The following PCDH15 variants were observed in gnomAD, a reference collection of about 807,000 sequenced individuals.
The protein encoded by PCDH15 is protocadherin-15.
Under a neutral mutation model 178.5 loss-of-function variants are expected in PCDH15, and 129 were observed. The ratio of observed to expected loss-of-function variants is 0.72; its 90% CI spans 0.63 to 0.84. The LOEUF (loss-of-function observed/expected upper bound fraction) is 0.84, where lower values mean the gene tolerates loss of function less well. PCDH15 is among the 40% of genes least tolerant of loss of function. The pLI is 0.00. For synonymous variants in PCDH15, 800 were observed against 732.0 expected (o/e 1.09, Z -1.50); for missense variants, 2,230 against 2,099.9 (o/e 1.06, Z -1.21).
intron 2 of PCDH15, among the ~76,000 whole-genome samples, chr10:55,411,484 A>G (rs565572122): frequency 4.2e-4 from 64 of 152,200 alleles, no homozygotes; most frequent in African/African-American, 1.5e-3. Flanking sequence ...ATTAGGGTAT[A>G]CTCTCTCCAA....
chr10:54,479,848 A>G (rs944432040), intron 3 of PCDH15, among the ~76,000 whole-genome samples: 6 of 152,090 alleles, frequency 3.9e-5, no homozygotes, highest in Non-Finnish European at 5.9e-5. Context: ...AAATGATGTC[A>G]CATTGCATTT....
chr10:54,265,487 A>T (rs10825287), intron 8 of PCDH15, among the ~76,000 whole-genome samples: 100,947 of 144,226 alleles, frequency 0.7, 34,880 homozygotes, highest in Middle Eastern at 0.75. Context: ...AATTGGAATT[A>T]AAAAAAAAAA....
chr10:54,415,386 TA>T, intron 3 of PCDH15, among the ~76,000 whole-genome samples: 1 of 151,766 alleles, frequency 6.6e-6, no homozygotes, highest in South Asian at 2.1e-4. Context: ...GTCAATAGTT[TA>T]AAAAAATCAG....
intron 2 of PCDH15, among the ~76,000 whole-genome samples, chr10:54,996,982 G>T (rs1445518034): frequency 2.6e-5 from 4 of 151,674 alleles, no homozygotes; most frequent in Admixed American, 6.6e-5. Flanking sequence ...AGTGGCGGGC[G>T]CCTGCAATCC....
At chr10:54,384,495 A>G (rs1036407421) in intron 3 of PCDH15, among the ~76,000 whole-genome samples, 1 of 152,100 alleles carries the variant, frequency 6.6e-6, no homozygotes, top group Non-Finnish European at 1.5e-5. Flanking sequence ...GATTCAGTAA[A>G]TTTGTAAGTG....
At chr10:55,049,879 T>C (rs1311924671) in intron 2 of PCDH15, among the ~76,000 whole-genome samples, 1 of 152,064 alleles carries the variant, frequency 6.6e-6, no homozygotes, top group Non-Finnish European at 1.5e-5. Flanking sequence ...CCTGGCAATT[T>C]TGCAAAATTC....
chr10:53,943,210 C>T (rs1436449213), intron 23 of PCDH15, among the ~76,000 whole-genome samples: 5 of 151,892 alleles, frequency 3.3e-5, no homozygotes, highest in African/African-American at 7.3e-5. Context: ...TATGTCGGGC[C>T]GGGCGCGGTG....
chr10:54,836,244 A>G (rs572063827), intron 3 of PCDH15, among the ~76,000 whole-genome samples: 9 of 152,208 alleles, frequency 5.9e-5, no homozygotes, highest in Non-Finnish European at 1.3e-4. Context: ...AAAAATTCCA[A>G]GGCTTTAAAC....
intron 1 of PCDH15, among the ~76,000 whole-genome samples, chr10:54,706,733 C>T (rs528099552): frequency 3.3e-5 from 5 of 152,272 alleles, no homozygotes; most frequent in Admixed American, 6.5e-5. Flanking sequence ...AAACGATCCT[C>T]GTGCCTCAAC....
At chr10:54,509,849 C>G (rs2081488494) in intron 3 of PCDH15, among the ~76,000 whole-genome samples, 1 of 152,164 alleles carries the variant, frequency 6.6e-6, no homozygotes, top group Non-Finnish European at 1.5e-5. Context: ...TACTATTCAT[C>G]AACAGCAGAG....
chr10:54,773,423 C>T (rs1460872776), intron 1 of PCDH15, among the ~76,000 whole-genome samples: 2 of 152,144 alleles, frequency 1.3e-5, no homozygotes, highest in Non-Finnish European at 2.9e-5. Flanking sequence ...GATTTAAATT[C>T]TCTACCTTCA....
intron 3 of PCDH15, among the ~76,000 whole-genome samples, chr10:54,429,558 A>G (rs1185871316): frequency 6.6e-6 from 1 of 152,150 alleles, no homozygotes; most frequent in Non-Finnish European, 1.5e-5. Flanking sequence ...TGGATTTAAA[A>G]AAAAAGACAA....
rs369564375 is a variant in PCDH15 at position 54,496,189 on chromosome 10, G to C, written c.157+31623C>G. Reference sequence around the variant, plus strand: ...TTTCTTCTTCACTAGTATTACTTCAGTTTGGTCAGGGGCTGGCAATTTTTT... The same window carrying C: ...TTTCTTCTTCACTAGTATTACTTCACTTTGGTCAGGGGCTGGCAATTTTTT... On this transcript the variant is annotated intron_variant, in intron 3 of 37. Transcript: ENST00000644397. 1.3e-4 allele frequency among the ~76,000 whole-genome samples: 20 copies of C among 152,124 alleles called. No homozygotes were observed. The East Asian group carries it at 1.9e-3, about 15-fold the overall frequency.
chr10:54,999,239 T>C (rs943618684), intron 2 of PCDH15, among the ~76,000 whole-genome samples: 3 of 152,174 alleles, frequency 2.0e-5, no homozygotes, highest in East Asian at 3.9e-4. Flanking sequence ...ATTCAATATG[T>C]TTTTCTTACC....
intron 22 of PCDH15, among the ~76,000 whole-genome samples, chr10:53,960,883 A>C (rs2088228483): frequency 6.6e-6 from 1 of 152,202 alleles, no homozygotes; most frequent in Non-Finnish European, 1.5e-5. Context: ...AATTATTCTA[A>C]GTAACTATTA....
At chr10:55,377,767 G>A (rs967543655) in intron 2 of PCDH15, among the ~76,000 whole-genome samples, 2 of 152,024 alleles carry the variant, frequency 1.3e-5, no homozygotes, top group Admixed American at 6.6e-5. Flanking sequence ...TGACATGTAT[G>A]TTTATTGCTG....
At chr10:54,185,078 A>C in intron 12 of PCDH15, 56 bp downstream of exon 12, 1 of 1,588,130 alleles carries the variant, frequency 6.3e-7, no homozygotes, top group Admixed American at 1.7e-5. Context: ...GTTCCATACA[A>C]ACATACATAC....
upstream of PCDH15, among the ~76,000 whole-genome samples, chr10:55,321,479 C>T (rs1843900364): frequency 6.6e-6 from 1 of 152,130 alleles, no homozygotes. Context: ...GAGAGGCCAA[C>T]ATTCAAATTC....
At chr10:54,419,370 G>C (rs1214343283) in intron 3 of PCDH15, among the ~76,000 whole-genome samples, 1 of 81,744 alleles carries the variant, frequency 1.2e-5, no homozygotes, top group South Asian at 2.9e-4. Context: ...CTCCATTATA[G>C]AGCCAGCAAT....
Sources: allele counts gnomAD v4.1 joint callset (sites outside exome capture counted in the v4.1 genomes callset), GRCh38; gene constraint gnomAD v4.1.1; transcripts MANE v1.5; gene names NCBI Gene and HGNC (gene_info 2026-07-23, HGNC 2026-07-21).